The following PRR11 variants were observed in gnomAD, a reference collection of about 807,000 sequenced individuals.
The protein encoded by PRR11 is proline-rich protein 11.
A neutral mutation model predicts 45.6 loss-of-function variants in PRR11; 30 were observed. That is an observed-to-expected ratio of 0.66 (90% CI 0.49 to 0.89). PRR11 has a LOEUF of 0.89. PRR11 is among the 40% of genes least tolerant of loss of function. The probability of loss-of-function intolerance (pLI) is 0.00; values close to 1 mark genes in which losing one functional copy is unlikely to be tolerated. For synonymous variants in PRR11, 128 were observed against 153.5 expected, an observed-to-expected ratio of 0.83 and a Z score of 1.23; for missense variants, 373 against 424.8, an observed-to-expected ratio of 0.88 and a Z score of 1.07.
At chr17:59,181,906 A>C in intron 2 of PRR11, 3 of 1,187,162 alleles carry the variant, frequency 2.5e-6, no homozygotes, top group East Asian at 2.8e-5. Context: ...GCTCAACCCC[A>C]TGAGCCGCTC....
intron 4 of PRR11, 117 bp downstream of exon 4, chr17:59,185,679 G>A: frequency 1.0e-6 from 1 of 962,096 alleles, no homozygotes; most frequent in Non-Finnish European, 1.5e-6. Flanking sequence ...CAAACATTAA[G>A]CGAAAAAGTT....
At chr17:59,183,179 C>A (rs1381655665) in intron 2 of PRR11, among the ~76,000 whole-genome samples, 1 of 152,190 alleles carries the variant, frequency 6.6e-6, no homozygotes, top group African/African-American at 2.4e-5. Context: ...GTATCTCCTG[C>A]CACTGTCCCA....
intron 4 of PRR11, among the ~76,000 whole-genome samples, chr17:59,186,548 C>T (rs751679605): frequency 6.6e-6 from 1 of 151,200 alleles, no homozygotes; most frequent in African/African-American, 2.4e-5. Context: ...GTGTGTGCCA[C>T]CTGCCCGGCA....
intron 2 of PRR11, chr17:59,177,288 G>T: frequency 1.8e-6 from 1 of 544,594 alleles, no homozygotes; most frequent in Non-Finnish European, 3.7e-6. Context: ...AAAGGGAGAG[G>T]TCACATCTTG....
At chr17:59,169,317 C>T (rs977193248) in intron 1 of PRR11, among the ~76,000 whole-genome samples, 8 of 151,916 alleles carry the variant, frequency 5.3e-5, no homozygotes, top group Non-Finnish European at 8.8e-5. Context: ...AGGCTGGTCT[C>T]GAACTCCTGA....
In PRR11 at chr17:59,206,228, C is replaced by T. The variant is rs1310817608; in HGVS notation, c.*4597C>T. Among the ~76,000 whole-genome samples the T allele has an allele frequency of 2.6e-5, 4 of 151,948 alleles. No individual in the cohort carries two copies. The highest frequency in any genetic ancestry group is 1.9e-4 in the East Asian group (1 of 5,156). ...CAAAAAACGAAAAATTAGCCGGGAG[C>T]GGTGATGTGTGCCTGTAGTCCCAGC... On this transcript the variant is annotated 3_prime_UTR_variant, in exon 10 of 10. Coordinates refer to ENST00000262293, the MANE Select transcript of PRR11 (RefSeq NM_018304.4).
intron 1 of PRR11, among the ~76,000 whole-genome samples, chr17:59,163,309 G>A (rs1189496845): frequency 6.6e-6 from 1 of 151,530 alleles, no homozygotes. Flanking sequence ...TCTCAAACTC[G>A]GGACCTCAGG....
chr17:59,158,543 T>G (rs2046636773), intron 1 of PRR11, among the ~76,000 whole-genome samples: 1 of 152,178 alleles, frequency 6.6e-6, no homozygotes, highest in South Asian at 2.1e-4. Flanking sequence ...CTAAAAAAAT[T>G]TATGTATGTA....
chr17:59,161,661 A>T (rs2046653548), intron 1 of PRR11, among the ~76,000 whole-genome samples: 1 of 152,166 alleles, frequency 6.6e-6, no homozygotes, highest in African/African-American at 2.4e-5. Context: ...AGGCAGGAGG[A>T]TTGCTTGAGT....
intron 3 of PRR11, 26 bp from the exon 4 acceptor site, chr17:59,185,413 CT>C: frequency 1.3e-6 from 2 of 1,586,046 alleles, no homozygotes; most frequent in Non-Finnish European, 1.7e-6. Context: ...ACTCATAGGA[CT>C]CAGAATTGTT....
At chr17:59,173,180 C>T (rs1735640081) in intron 2 of PRR11, among the ~76,000 whole-genome samples, 7 of 152,152 alleles carry the variant, frequency 4.6e-5, no homozygotes. Flanking sequence ...TTGTGTCTAG[C>T]TCAGGGATTG....
At chr17:59,191,225 T>C (rs1599705447) in intron 4 of PRR11, among the ~76,000 whole-genome samples, 2 of 148,874 alleles carry the variant, frequency 1.3e-5, no homozygotes, top group South Asian at 2.1e-4. Context: ...TTTTTCTTTT[T>C]TTTTTTTTTT....
chr17:59,157,242 G>A (rs913426882), intron 1 of PRR11, among the ~76,000 whole-genome samples: 1 of 152,024 alleles, frequency 6.6e-6, no homozygotes, highest in African/African-American at 2.4e-5. Flanking sequence ...CTAGATGCTG[G>A]GAAAACAAAG....
chr17:59,175,596 A>G (rs1344856032), intron 2 of PRR11, among the ~76,000 whole-genome samples: 1 of 152,220 alleles, frequency 6.6e-6, no homozygotes, highest in Non-Finnish European at 1.5e-5. Context: ...TACAAAAATC[A>G]GCCTGGTGTG....
In PRR11 at chr17:59,193,545, T is replaced by A. The variant is rs550861472; in HGVS notation, c.456T>A (p.Ser152Arg). 1 of 1,614,080 alleles carries A rather than the reference T, an allele frequency of 6.2e-7. No homozygotes were observed. The highest frequency in any genetic ancestry group is 1.1e-5 in the South Asian group (1 of 91,084). Residue 152 changes from serine (S) to arginine (R), a missense_variant, in exon 5 of 10, where the codon AGT becomes AGA. Physicochemically the swap from Ser to Arg is moderately radical, Grantham distance 110 (BLOSUM62 -1). Coordinates refer to ENST00000262293, the MANE Select transcript of PRR11 (RefSeq NM_018304.4). ...GCTGTGGTCAAACATGTCACATGAG[T>A]GGTAAACTTACAAATGTGCCTGCCT... ...CPSCGQTCHM[S>R]GKLTNVPACV...
chr17:59,163,824 T>C (rs192694707), intron 1 of PRR11, among the ~76,000 whole-genome samples: 7 of 152,276 alleles, frequency 4.6e-5, no homozygotes, highest in African/African-American at 1.4e-4. Flanking sequence ...CCCAGCACTT[T>C]GGGAGGCCAA....
At chr17:59,172,538 G>C (rs1196820487) in intron 2 of PRR11, among the ~76,000 whole-genome samples, 1 of 152,218 alleles carries the variant, frequency 6.6e-6, no homozygotes, top group Non-Finnish European at 1.5e-5. Context: ...AGGCACGGGC[G>C]GGAACCGGGG....
Position 59,201,642 on chromosome 17 carries a change from G to A in PRR11, c.*11G>A. 1 of 1,612,266 alleles carries A rather than the reference G, an allele frequency of 6.2e-7. No homozygotes were observed. On this transcript the variant is annotated 3_prime_UTR_variant, in exon 10 of 10. Transcript: ENST00000262293. ...GATGAACAAAACTGATGCCAACTCT[G>A]CCTCACTCCATGAGATGATCCATAA...
At chr17:59,160,652 A>G (rs1419925265) in intron 1 of PRR11, 1 of 152,162 alleles carries the variant, frequency 6.6e-6, no homozygotes, top group Non-Finnish European at 1.5e-5. Context: ...TAGCCTAGAA[A>G]TCTTTTCTTA....
Sources: gnomAD v4.1 joint callset for allele counts (sites outside exome capture counted in the v4.1 genomes callset) on GRCh38, gnomAD v4.1.1 for gene constraint, MANE v1.5 for transcripts, NCBI Gene and HGNC (gene_info 2026-07-23, HGNC 2026-07-21) for gene names.